Variants in FLVCR2 observed in about 807,000 individuals in gnomAD.
FLVCR2 encodes the protein FLVCR choline and putative heme transporter 2.
FLVCR2 carries 38 observed loss-of-function variants against 48.9 expected under a neutral mutation model. That is an observed-to-expected ratio of 0.78 (90% CI 0.60 to 1.02). FLVCR2 has a LOEUF of 1.02. Ranked by LOEUF, FLVCR2 falls within the 50% of genes least tolerant of loss-of-function variation. The pLI is 0.00. For synonymous variants in FLVCR2, 255 were observed against 257.0 expected, an observed-to-expected ratio of 0.99 and a Z score of 0.07; for missense variants, 664 against 663.3, an observed-to-expected ratio of 1.00 and a Z score of -0.01.
At chr14:75,635,684 G>A (rs1047363944) in intron 5 of FLVCR2, among the ~76,000 whole-genome samples, 1 of 151,982 alleles carries the variant, frequency 6.6e-6, no homozygotes, top group African/African-American at 2.4e-5. Flanking sequence ...GGGCAACATG[G>A]TGAAACCCCA....
At chr14:75,624,311 C>T (rs754687012) in intron 2 of FLVCR2, among the ~76,000 whole-genome samples, 11 of 151,052 alleles carry the variant, frequency 7.3e-5, no homozygotes, top group South Asian at 4.2e-4. Flanking sequence ...TGCAGTAAGC[C>T]GAGATGGCGC....
At chr14:75,601,993 C>T (rs1163669119) in intron 1 of FLVCR2, among the ~76,000 whole-genome samples, 3 of 152,172 alleles carry the variant, frequency 2.0e-5, no homozygotes, top group African/African-American at 7.2e-5. Context: ...ACATTTTACT[C>T]ACATTTCCTA....
At position 75,622,159 on chromosome 14, in the gene FLVCR2, C is replaced by T; in HGVS notation, c.750C>T (p.Ile250=). The T allele has an allele frequency of 1.9e-6, 3 of 1,613,962 alleles. No homozygotes were observed. Among genetic ancestry groups the T allele is most frequent in the Non-Finnish European group, 2.5e-6 (3 of 1,179,868 alleles). The part of the protein sequence containing the change: ...IEDRDELAYH[I]SIMFYIIGGV... ...ACCGGGACGAGCTTGCCTACCACAT[C>T]AGCATCATGTTCTATATAATAGGAG... The change falls in exon 2 of 10, where the codon ATC becomes ATT. Residue 250 remains isoleucine, a synonymous_variant. Transcript: ENST00000238667.
At chr14:75,639,549 C>T (rs1022458572) in intron 6 of FLVCR2, 87 bp downstream of exon 6, 3 of 899,304 alleles carry the variant, frequency 3.3e-6, no homozygotes, top group Middle Eastern at 2.2e-4. Context: ...ATATTGATGC[C>T]TTTGCTGCCT....
Position 75,579,305 on chromosome 14 carries a change from C to A in FLVCR2, c.333C>A (p.Ile111=). 1 of 1,614,186 alleles carries A rather than the reference C, an allele frequency of 6.2e-7. No homozygotes were observed. The highest frequency in any genetic ancestry group is 8.5e-7 in the Non-Finnish European group (1 of 1,179,986). The change falls in exon 1 of 10, where the codon ATC becomes ATA. Residue 111 remains isoleucine, a synonymous_variant. Coordinates refer to ENST00000238667, the MANE Select transcript of FLVCR2 (RefSeq NM_017791.3). ...QWIQYGSINN[I]FMHFYGVSAF... ...TCCAGTACGGCTCCATCAATAACATCTTCATGCACTTCTACGGTGTCAGTG... is the reference window on the plus strand; with the variant it reads ...TCCAGTACGGCTCCATCAATAACATATTCATGCACTTCTACGGTGTCAGTG...
chr14:75,643,526 T>C (rs935860508), intron 9 of FLVCR2, among the ~76,000 whole-genome samples: 12 of 152,280 alleles, frequency 7.9e-5, no homozygotes, highest in Admixed American at 7.2e-4. Flanking sequence ...TAAGGGATAT[T>C]TTTAGTGTTT....
At chr14:75,638,815 C>T (rs1337350655) in intron 5 of FLVCR2, among the ~76,000 whole-genome samples, 2 of 152,194 alleles carry the variant, frequency 1.3e-5, no homozygotes, top group Admixed American at 1.3e-4. Context: ...GTCTTACTTA[C>T]CCTTTGTAGC....
rs754995656 is a variant in FLVCR2, at chr14:75,578,747, A to G, written c.-226A>G. The G allele has an allele frequency of 2.7e-5, 16 of 593,704 alleles. No homozygotes were observed. The highest frequency in any genetic ancestry group is 4.5e-5 in the Non-Finnish European group (15 of 335,206). 36.8% of individuals were successfully genotyped at this position (593,704 alleles called of 1,614,324 possible). A position where few individuals can be genotyped will look rare whatever the true frequency, so the allele number is the denominator to read the frequency against. ...CGGCGTGTGCGGCCGGCCTTGGGACAGCGATCGCCGCGGGTGGCAACAGAG... is the reference window on the plus strand; with the variant it reads ...CGGCGTGTGCGGCCGGCCTTGGGACGGCGATCGCCGCGGGTGGCAACAGAG... On this transcript the variant is annotated 5_prime_UTR_variant, in exon 1 of 10. Transcript: ENST00000238667.
In FLVCR2 at chr14:75,624,531, G is replaced by A; in HGVS notation, c.812-81G>A. Reference sequence around the variant, plus strand: ...GTCTTAGCTCCTCTCAGATGATGGAGCAGCTTTCATTCATGTGGAACCAGC... The same window carrying A: ...GTCTTAGCTCCTCTCAGATGATGGAACAGCTTTCATTCATGTGGAACCAGC... On this transcript the variant is annotated intron_variant, in intron 2 of 9. Transcript: ENST00000238667. 8 of 1,521,444 alleles carry A rather than the reference G, an allele frequency of 5.3e-6. No individual in the cohort carries two copies. The South Asian group carries it at 9.0e-5, about 17-fold the overall frequency. 94.2% of individuals were successfully genotyped at this position (1,521,444 alleles called of 1,614,324 possible).
At chr14:75,641,705 C>A in intron 8 of FLVCR2, 138 bp from the exon 9 acceptor site, 2 of 794,658 alleles carry the variant, frequency 2.5e-6, no homozygotes, top group African/African-American at 1.7e-5. Flanking sequence ...GCTGATGGTG[C>A]CCTCAGTCAC....
chr14:75,616,338 T>A (rs80203015), intron 1 of FLVCR2, among the ~76,000 whole-genome samples: 15,004 of 150,480 alleles, frequency 0.1, 814 homozygotes, highest in African/African-American at 0.14. Flanking sequence ...AAAAAAAAAA[T>A]TTTTTTTAAT....
In FLVCR2 at chr14:75,646,546, A is replaced by C. The variant is rs902722742; in HGVS notation, c.*74A>C. On this transcript the variant is annotated 3_prime_UTR_variant, in exon 10 of 10. Transcript: ENST00000238667. ...TCAGCACAGCTCTCACCGCCAGCAC[A>C]AAGGGCTTCGCTAGAGATGTTTTTG... The C allele has an allele frequency of 1.3e-5, 14 of 1,068,102 alleles. No individual in the cohort carries two copies. The highest frequency in any genetic ancestry group is 2.0e-5 in the Non-Finnish European group (14 of 688,352). The allele number at this position is 1,068,102 out of a possible 1,614,324, so 66.2% of individuals were successfully genotyped here.
intron 1 of FLVCR2, among the ~76,000 whole-genome samples, chr14:75,595,004 C>T: frequency 6.6e-6 from 1 of 152,184 alleles, no homozygotes; most frequent in Admixed American, 6.5e-5. Flanking sequence ...AAGCATGAGC[C>T]ACCATACCTA....
chr14:75,595,441 T>C (rs998660910), intron 1 of FLVCR2, among the ~76,000 whole-genome samples: 4 of 152,196 alleles, frequency 2.6e-5, no homozygotes, highest in Non-Finnish European at 5.9e-5. Context: ...GATCATATGG[T>C]ATCACCCAGA....
rs559276290 is a variant in FLVCR2 at position 75,589,040 on chromosome 14, T to G, written c.669+9399T>G. Among the ~76,000 whole-genome samples, 347 of 151,772 alleles carry G rather than the reference T, an allele frequency of 2.3e-3. 1 individual carries two copies. Among genetic ancestry groups the G allele is most frequent in the African/African-American group, 8.0e-3 (331 of 41,160 alleles). The stretch of plus-strand genomic sequence containing the variant: ...CCTATGAAATTAACAAGAACCAGCC[T>G]GGACAACATTTTTTTTTTTAAAAAA... On this transcript the variant is annotated intron_variant, in intron 1 of 9. Coordinates refer to ENST00000238667, the MANE Select transcript of FLVCR2 (RefSeq NM_017791.3).
rs1890461558 is a variant in FLVCR2 at position 75,648,133 on chromosome 14, T to A, written c.*1661T>A. ...TAATTTGTGTTTTCTATTTGTAAGA[T>A]CTGACATTTCGAGGCAATAAAAACT... is the stretch of plus-strand genomic sequence containing the variant. On this transcript the variant is annotated 3_prime_UTR_variant, in exon 10 of 10. Coordinates refer to ENST00000238667, the MANE Select transcript of FLVCR2 (RefSeq NM_017791.3). The A allele has an allele frequency of 6.6e-6, 1 of 152,670 alleles. No homozygotes were observed. The highest frequency in any genetic ancestry group is 1.9e-4 in the East Asian group (1 of 5,202). The allele number at this position is 152,670 out of a possible 1,614,324, so 9.5% of individuals were successfully genotyped here.
At position 75,647,587 on chromosome 14, in the gene FLVCR2, T is replaced by C. The variant is rs1594820258; in HGVS notation, c.*1115T>C. 6.6e-6 allele frequency: 1 copy of C among 152,620 alleles called. No individual in the cohort carries two copies. Among genetic ancestry groups the C allele is most frequent in the Non-Finnish European group, 1.5e-5 (1 of 68,042 alleles). 9.5% of individuals were successfully genotyped at this position (152,620 alleles called of 1,614,324 possible). ...CCACCAACCCCTCTCCTCACCTGCT[T>C]TGAGCGATAATCTTTATCAGATATT... On this transcript the variant is annotated 3_prime_UTR_variant, in exon 10 of 10. Coordinates refer to ENST00000238667, the MANE Select transcript of FLVCR2 (RefSeq NM_017791.3).
intron 5 of FLVCR2, among the ~76,000 whole-genome samples, chr14:75,638,615 C>G (rs1192388410): frequency 6.6e-6 from 1 of 152,106 alleles, no homozygotes; most frequent in African/African-American, 2.4e-5. Flanking sequence ...CTGAATGTCA[C>G]CGCCACCTCA....
At chr14:75,637,411 GGGGTGAT>G (rs1201806147) in intron 5 of FLVCR2, among the ~76,000 whole-genome samples, 2 of 152,200 alleles carry the variant, frequency 1.3e-5, no homozygotes, top group African/African-American at 4.8e-5. Flanking sequence ...TCTGGCTTCA[GGGGTGAT>G]GTGTAAAGAA....
Sources: gnomAD v4.1 joint callset for allele counts (sites outside exome capture counted in the v4.1 genomes callset) on GRCh38, gnomAD v4.1.1 for gene constraint, MANE v1.5 for transcripts, NCBI Gene and HGNC (gene_info 2026-07-23, HGNC 2026-07-21) for gene names.